PDE3A: variants seen among roughly 807,000 people sequenced by gnomAD.
PDE3A encodes cGMP-inhibited 3',5'-cyclic phosphodiesterase 3A.
In PDE3A, 43 loss-of-function variants were observed where a neutral mutation model predicts 98.3. The ratio of observed to expected loss-of-function variants is 0.44; its 90% confidence interval spans 0.34 to 0.56. The LOEUF is 0.56. Ranked by LOEUF, PDE3A falls within the 20% of genes least tolerant of loss-of-function variation. The pLI, the probability that PDE3A is intolerant of heterozygous loss-of-function variation, is 0.01. For missense variants in PDE3A, 1,427 were observed against 1,440.7 expected (o/e 0.99, Z 0.15); for synonymous variants, 663 against 567.9 (o/e 1.17, Z -2.38).
intron 1 of PDE3A, among the ~76,000 whole-genome samples, chr12:20,463,329 A>C (rs1430662901): frequency 1.3e-5 from 2 of 152,178 alleles, no homozygotes; most frequent in Non-Finnish European, 2.9e-5. Context: ...CTGTCTGTAC[A>C]TCTCCACTTC....
At chr12:20,551,371 G>C (rs1306638330) in intron 1 of PDE3A, among the ~76,000 whole-genome samples, 1 of 151,542 alleles carries the variant, frequency 6.6e-6, no homozygotes. Flanking sequence ...TATATAGCCA[G>C]ATCAATTTGT....
chr12:20,400,014 C>CAAGTT (rs1944092169), intron 1 of PDE3A, among the ~76,000 whole-genome samples: 1 of 152,190 alleles, frequency 6.6e-6, no homozygotes, highest in Admixed American at 6.5e-5. Flanking sequence ...TAAGAATCCT[C>CAAGTT]TGCTTGCAGT....
chr12:20,415,795 C>A (rs1944412655), intron 1 of PDE3A, among the ~76,000 whole-genome samples: 1 of 152,144 alleles, frequency 6.6e-6, no homozygotes, highest in African/African-American at 2.4e-5. Flanking sequence ...GACTCAGGTT[C>A]TTTGGAGTCA....
chr12:20,664,665 C>T (rs572373713), intron 15 of PDE3A, among the ~76,000 whole-genome samples: 54 of 152,128 alleles, frequency 3.5e-4, no homozygotes, highest in Non-Finnish European at 6.0e-4. Flanking sequence ...GGGGTTTCCT[C>T]TTTTGCTTGA....
In PDE3A at chr12:20,662,623, C is replaced by T. The variant is rs149023981; in HGVS notation, c.3184+8418C>T. Among the ~76,000 whole-genome samples, 593 of 152,072 alleles carry T rather than the reference C, an allele frequency of 3.9e-3. 4 individuals are homozygous for T. The highest frequency in any genetic ancestry group is 0.012 in the African/African-American group (505 of 41,472). Reference sequence around the variant, plus strand: ...AGGGAGATGATTTAGGGTATCTGGCCGAAGAAATCTCTAAGCAGCAAAGCA... The same window carrying T: ...AGGGAGATGATTTAGGGTATCTGGCTGAAGAAATCTCTAAGCAGCAAAGCA... On this transcript the variant is annotated intron_variant, in intron 15 of 15. Coordinates refer to ENST00000359062, the MANE Select transcript of PDE3A (RefSeq NM_000921.5).
chr12:20,519,021 G>T (rs910089736), intron 1 of PDE3A, among the ~76,000 whole-genome samples: 4 of 145,470 alleles, frequency 2.7e-5, no homozygotes, highest in African/African-American at 1.0e-4. Context: ...AAAGAAGATT[G>T]TGTAAAATGG....
At chr12:20,551,788 G>A (rs1160663897) in intron 1 of PDE3A, 2 of 1,614,008 alleles carry the variant, frequency 1.2e-6, no homozygotes, top group Non-Finnish European at 1.7e-6. Flanking sequence ...GGCGAAGATG[G>A]CCTCGGCCAC....
In PDE3A at chr12:20,680,221, A is replaced by T. The variant is rs774287637; in HGVS notation, c.3376A>T (p.Lys1126Ter). ...IQAIKEEEEE[K>*]GKPRGEEIPT... ...GGCTATCAAGGAAGAAGAAGAAGAG[A>T]AAGGGAAACCAAGAGGCGAGGAGAT... The change falls in exon 16 of 16, where the codon AAA becomes TAA. Residue 1126 changes from lysine to a stop codon, truncating the protein, a stop_gained. Coordinates refer to ENST00000359062, the MANE Select transcript of PDE3A (RefSeq NM_000921.5). LOFTEE classifies it high-confidence loss of function. 6.2e-7 allele frequency: 1 copy of T among 1,613,654 alleles called. No individual in the cohort carries two copies. Among genetic ancestry groups the T allele is most frequent in the African/African-American group, 1.3e-5 (1 of 74,900 alleles).
At position 20,683,844 on chromosome 12, in the gene PDE3A, T is replaced by C. The variant is rs1007722681; in HGVS notation, c.*3573T>C. On this transcript the variant is annotated 3_prime_UTR_variant, in exon 16 of 16. Transcript: ENST00000359062. ...TGAATACCAGAACAAATCTTTCCGT[T>C]GCAATCCCAGTAAAACGAAAGAAAA... 1 of 152,152 alleles carries C rather than the reference T, an allele frequency of 6.6e-6. No individual in the cohort carries two copies. The highest frequency in any genetic ancestry group is 2.4e-5 in the African/African-American group (1 of 41,440). The allele number at this position is 152,152 out of a possible 1,614,324, so 9.4% of individuals were successfully genotyped here.
chr12:20,476,174 T>C (rs1277656840), intron 1 of PDE3A, among the ~76,000 whole-genome samples: 1 of 152,138 alleles, frequency 6.6e-6, no homozygotes, highest in African/African-American at 2.4e-5. Context: ...ATTTTGAGGA[T>C]TGTAGCAACA....
At chr12:20,376,273 A>ATG (rs1340869000) in intron 1 of PDE3A, among the ~76,000 whole-genome samples, 1 of 151,880 alleles carries the variant, frequency 6.6e-6, no homozygotes, top group Non-Finnish European at 1.5e-5. Context: ...AGTTAGCTAT[A>ATG]TGTGTGAAGA....
At chr12:20,586,720 A>G (rs990959295) in intron 2 of PDE3A, among the ~76,000 whole-genome samples, 7 of 152,244 alleles carry the variant, frequency 4.6e-5, no homozygotes, top group Non-Finnish European at 5.9e-5. Flanking sequence ...ACAAAAAGTG[A>G]AAAAGCAAAA....
rs749785579 is a variant in PDE3A, at chr12:20,369,976, G to C, written c.692G>C (p.Arg231Thr). Residue 231 changes from arginine (R) to threonine (T), a missense_variant, in exon 1 of 16, where the codon AGG (arginine) becomes ACG (threonine). Coordinates refer to ENST00000359062, the MANE Select transcript of PDE3A (RefSeq NM_000921.5). Reference protein sequence around the residue: ...VRTVSLISLERFKVAWRPYLA... With the variant: ...VRTVSLISLETFKVAWRPYLA... ...ACCGTGTCCCTCATTTCCTTAGAGA[G>C]GTTCAAGGTCGCCTGGAGACCTTAC... The C allele has an allele frequency of 1.2e-6, 2 of 1,613,376 alleles. No individual in the cohort carries two copies. Among genetic ancestry groups the C allele is most frequent in the South Asian group, 2.2e-5 (2 of 91,084 alleles).
intron 1 of PDE3A, among the ~76,000 whole-genome samples, chr12:20,411,717 T>C (rs935471444): frequency 2.0e-5 from 3 of 152,178 alleles, no homozygotes; most frequent in African/African-American, 7.2e-5. Flanking sequence ...CTATCATGAA[T>C]GGACCTCCAT....
At chr12:20,588,910 G>T (rs943538923) in intron 2 of PDE3A, among the ~76,000 whole-genome samples, 1 of 151,802 alleles carries the variant, frequency 6.6e-6, no homozygotes, top group Non-Finnish European at 1.5e-5. Context: ...TAATTCATGG[G>T]GTTATCCTTT....
intron 12 of PDE3A, among the ~76,000 whole-genome samples, chr12:20,648,115 G>A (rs1010281436): frequency 6.6e-6 from 1 of 151,254 alleles, no homozygotes; most frequent in Non-Finnish European, 1.5e-5. Context: ...GATAAAAGGT[G>A]ATATTTCCTG....
At chr12:20,679,904 TAATATA>T (rs1945730681) in intron 15 of PDE3A, 120 bp from the exon 16 acceptor site, 2 of 135,242 alleles carry the variant, frequency 1.5e-5, no homozygotes, top group Non-Finnish European at 3.0e-5. Context: ...AATATATATA[TAATATA>T]ATATAATATA....
intron 2 of PDE3A, among the ~76,000 whole-genome samples, chr12:20,593,104 G>A (rs781500707): frequency 3.9e-5 from 6 of 152,110 alleles, no homozygotes; most frequent in Non-Finnish European, 5.9e-5. Context: ...AGGCTGAAGT[G>A]ATTAATTTGG....
At chr12:20,513,498 G>T (rs1197119942) in intron 1 of PDE3A, among the ~76,000 whole-genome samples, 2 of 152,110 alleles carry the variant, frequency 1.3e-5, no homozygotes, top group Admixed American at 6.6e-5. Flanking sequence ...CTGGAGAAAG[G>T]TGTTAGCCCT....
Sources: allele counts gnomAD v4.1 joint callset (sites outside exome capture counted in the v4.1 genomes callset), GRCh38; gene constraint gnomAD v4.1.1; transcripts MANE v1.5; gene names NCBI Gene and HGNC (gene_info 2026-07-23, HGNC 2026-07-21).